EPN1: variants seen among roughly 807,000 people sequenced by gnomAD.
The protein encoded by EPN1 is epsin 1, also known as epsin-1.
In EPN1, 25 loss-of-function variants were observed where a neutral mutation model predicts 56.9. The ratio of observed to expected loss-of-function variants is 0.44; its 90% CI spans 0.32 to 0.61. The LOEUF (loss-of-function observed/expected upper bound fraction) is 0.61, where lower values mean the gene tolerates loss of function less well. Ranked by LOEUF, EPN1 falls within the 20% of genes least tolerant of loss-of-function variation. EPN1 has a pLI of 0.05. For missense variants in EPN1, 785 were observed against 823.7 expected (o/e 0.95, Z 0.58); for synonymous variants, 411 against 361.8 (o/e 1.14, Z -1.54).
Position 55,702,956 on chromosome 19 carries a change from GGCTAA to G in EPN1, c.*7606_*7610del, listed in dbSNP as rs1261134632. On this transcript the variant is annotated 3_prime_UTR_variant, in exon 11 of 11. Coordinates refer to ENST00000270460, the MANE Select transcript of EPN1 (RefSeq NM_001130072.2). ...ACTACAGGCGCCCACCACCACGCCC[GGCTAA>G]GCTAATTTTTTGTATTGTTAGTAGA... is the stretch of plus-strand genomic sequence containing the variant. The G allele has an allele frequency of 5.9e-5, 9 of 151,812 alleles. No homozygotes were observed. Among genetic ancestry groups the G allele is most frequent in the African/African-American group, 1.4e-4 (6 of 41,414 alleles). The allele number at this position is 151,812 out of a possible 1,614,324, so 9.4% of individuals were successfully genotyped here. A position where few individuals can be genotyped will look rare whatever the true frequency, so the allele number is the denominator to read the frequency against.
At chr19:55,682,046 T>G (rs375039454) in intron 2 of EPN1, among the ~76,000 whole-genome samples, 104 of 152,026 alleles carry the variant, frequency 6.8e-4, no homozygotes, top group African/African-American at 2.4e-3. Context: ...GCTCAAGCGA[T>G]CCTCTTGCCT....
rs190963338 is a variant in EPN1 at position 55,704,958 on chromosome 19, C to G, written c.*9602C>G. Reference sequence around the variant, plus strand: ...GCTGAATGCTGTTCTCATCCACTTCCCAAGCATCTCTGGCTGAATGCTGTT... The same window carrying G: ...GCTGAATGCTGTTCTCATCCACTTCGCAAGCATCTCTGGCTGAATGCTGTT... On this transcript the variant is annotated 3_prime_UTR_variant, in exon 11 of 11. Transcript: ENST00000270460. The G allele has an allele frequency of 1.2e-3, 186 of 152,326 alleles. No individual in the cohort carries two copies. The highest frequency in any genetic ancestry group is 4.4e-3 in the African/African-American group (182 of 41,564). The allele number at this position is 152,326 out of a possible 1,614,324, so 9.4% of individuals were successfully genotyped here. A position where few individuals can be genotyped will look rare whatever the true frequency, so the allele number is the denominator to read the frequency against.
rs775879527 is a variant in EPN1 at position 55,692,788 on chromosome 19, G to C, written c.1169G>C (p.Gly390Ala). The C allele has an allele frequency of 1.2e-4, 185 of 1,596,854 alleles. No homozygotes were observed. The highest frequency in any genetic ancestry group is 1.5e-4 in the Non-Finnish European group (180 of 1,171,318). The change falls in exon 8 of 11, where the codon GGC (glycine) becomes GCC (alanine). Residue 390 changes from glycine (G) to alanine (A), a missense_variant. Physicochemically the swap from Gly to Ala is moderately conservative, Grantham distance 60 (BLOSUM62 0). This residue lies in a region of EPN1 where 650 missense variants were observed against 605.0 expected (regional missense o/e 1.07). Coordinates refer to ENST00000270460, the MANE Select transcript of EPN1 (RefSeq NM_001130072.2). The stretch of plus-strand genomic sequence containing the variant: ...TCACCTGCCAAGCCCAGCACCAATG[G>C]CACAACAGGTACTGGAATGGGGGTG... Reference protein sequence around the residue: ...GGSPAKPSTNGTTAAGGFDTE... With the variant: ...GGSPAKPSTNATTAAGGFDTE...
intron 2 of EPN1, among the ~76,000 whole-genome samples, chr19:55,679,122 T>G (rs949933885): frequency 6.6e-6 from 1 of 152,226 alleles, no homozygotes; most frequent in Non-Finnish European, 1.5e-5. Flanking sequence ...GCCCATCTCT[T>G]CTGTGTGCCC....
rs902553504 is a variant in EPN1, at chr19:55,697,400, A to G, written c.*2044A>G. The G allele has an allele frequency of 6.6e-6, 1 of 152,168 alleles. No homozygotes were observed. Among genetic ancestry groups the G allele is most frequent in the Admixed American group, 6.5e-5 (1 of 15,272 alleles). The allele number at this position is 152,168 out of a possible 1,614,324, so 9.4% of individuals were successfully genotyped here. A position where few individuals can be genotyped will look rare whatever the true frequency, so the allele number is the denominator to read the frequency against. ...ACCCTCCATTCACCAAATTAAGGAT[A>G]AGTTTCACGATTTCGCACTGCGGAG... On this transcript the variant is annotated 3_prime_UTR_variant, in exon 11 of 11. Coordinates refer to ENST00000270460, the MANE Select transcript of EPN1 (RefSeq NM_001130072.2).
At position 55,705,808 on chromosome 19, in the gene EPN1, G is replaced by GATATGTATATATATATATATATAT. The variant is rs1987363277; in HGVS notation, c.*10456_*10457insGTATATATATATATATATATATAT. The GATATGTATATATATATATATATAT allele has an allele frequency of 9.7e-6, 1 of 103,138 alleles. No individual in the cohort carries two copies. Among genetic ancestry groups the GATATGTATATATATATATATATAT allele is most frequent in the African/African-American group, 4.6e-5 (1 of 21,920 alleles). 6.4% of individuals were successfully genotyped at this position (103,138 alleles called of 1,614,324 possible). A position where few individuals can be genotyped will look rare whatever the true frequency, so the allele number is the denominator to read the frequency against. On this transcript the variant is annotated 3_prime_UTR_variant, in exon 11 of 11. Coordinates refer to ENST00000270460, the MANE Select transcript of EPN1 (RefSeq NM_001130072.2). Reference sequence around the variant, plus strand: ...GTGGCTGGAATATTTGTTGTTGTGGGATATATATATATATATATATTTAGA... The same window carrying GATATGTATATATATATATATATAT: ...GTGGCTGGAATATTTGTTGTTGTGGGATATGTATATATATATATATATATATATATATATATATATATATTTAGA...
At chr19:55,676,241 G>A (rs1294021900) in intron 1 of EPN1, among the ~76,000 whole-genome samples, 2 of 152,206 alleles carry the variant, frequency 1.3e-5, no homozygotes, top group Non-Finnish European at 2.9e-5. Flanking sequence ...TATTATTACA[G>A]TGCTTAGAGA....
intron 2 of EPN1, among the ~76,000 whole-genome samples, chr19:55,683,693 T>C (rs1985979258): frequency 6.6e-6 from 1 of 152,274 alleles, no homozygotes; most frequent in African/African-American, 2.4e-5. Flanking sequence ...AGTCCCGCTG[T>C]GTGAGCGTGC....
intron 2 of EPN1, among the ~76,000 whole-genome samples, chr19:55,683,209 C>T (rs1208693096): frequency 1.3e-5 from 2 of 151,282 alleles, no homozygotes; most frequent in East Asian, 3.9e-4. Flanking sequence ...GCGCATGCCA[C>T]AATGCCTGGC....
rs373163870 is a variant in EPN1, at chr19:55,690,659, C to G, written c.762+709C>G. 2.2e-4 allele frequency among the ~76,000 whole-genome samples: 34 copies of G among 152,340 alleles called. No individual in the cohort carries two copies. The East Asian group carries it at 6.0e-3, about 27-fold the overall frequency. Reference sequence around the variant, plus strand: ...CAGTAGCTGCTGCTGCTGCCGCCCCCCAGGACAAGCTCGTCGGGCTGGGTT... The same window carrying G: ...CAGTAGCTGCTGCTGCTGCCGCCCCGCAGGACAAGCTCGTCGGGCTGGGTT... On this transcript the variant is annotated intron_variant, in intron 6 of 10. Coordinates refer to ENST00000270460, the MANE Select transcript of EPN1 (RefSeq NM_001130072.2).
Position 55,709,166 on chromosome 19 carries a change from T to A in EPN1, c.*13810T>A. 3.1e-6 allele frequency: 2 copies of A among 636,374 alleles called. No individual in the cohort carries two copies. The highest frequency in any genetic ancestry group is 4.9e-6 in the Non-Finnish European group (2 of 408,100). 39.4% of individuals were successfully genotyped at this position (636,374 alleles called of 1,614,324 possible). ...TCTTTCCTAGAAATCACTGGGAGAA[T>A]TGTACTGAATTTGAAAAACAAGCAT... On this transcript the variant is annotated 3_prime_UTR_variant, in exon 11 of 11. Transcript: ENST00000270460.
rs1449741930 is a variant in EPN1, at chr19:55,699,333, T to G, written c.*3977T>G. The G allele has an allele frequency of 6.6e-6, 1 of 152,234 alleles. No individual in the cohort carries two copies. The highest frequency in any genetic ancestry group is 1.5e-5 in the Non-Finnish European group (1 of 68,052). 9.4% of individuals were successfully genotyped at this position (152,234 alleles called of 1,614,324 possible). On this transcript the variant is annotated 3_prime_UTR_variant, in exon 11 of 11. Transcript: ENST00000270460. ...CCGCAGGCATCTCCCCCACACGTGC[T>G]TCTAGCTTCCCGGGTGTGGCGTGAG...
intron 3 of EPN1, among the ~76,000 whole-genome samples, chr19:55,688,239 C>T (rs74587635): frequency 0.017 from 2,566 of 152,112 alleles, 33 homozygotes; most frequent in Non-Finnish European, 0.026. Flanking sequence ...TGAGGGTAGG[C>T]GGGGTTGCTG....
chr19:55,690,060 G>A (rs776794363), intron 6 of EPN1, 110 bp downstream of exon 6: 43 of 1,071,826 alleles, frequency 4.0e-5, no homozygotes, highest in Non-Finnish European at 2.0e-5. Context: ...ACAAGGTCCT[G>A]GAGCTGGGCA....
chr19:55,681,834 G>T (rs1437039458), intron 2 of EPN1, among the ~76,000 whole-genome samples: 2 of 151,584 alleles, frequency 1.3e-5, no homozygotes, highest in African/African-American at 4.9e-5. Flanking sequence ...TAGAGACAAA[G>T]TGTTGCTCTG....
intron 2 of EPN1, among the ~76,000 whole-genome samples, chr19:55,680,367 C>T (rs1309980490): frequency 6.6e-6 from 1 of 152,132 alleles, no homozygotes; most frequent in South Asian, 2.1e-4. Flanking sequence ...CCTGCTGTAT[C>T]CGCCATCCCT....
chr19:55,688,826 CGTT>C, intron 3 of EPN1, 41 bp from the exon 4 acceptor site: 1 of 1,558,332 alleles, frequency 6.4e-7, no homozygotes, highest in Non-Finnish European at 8.7e-7. Context: ...TCCTGTCTCT[CGTT>C]CCCTGGTCTG....
At position 55,704,981 on chromosome 19, in the gene EPN1, G is replaced by C. The variant is rs1206449836; in HGVS notation, c.*9625G>C. The C allele has an allele frequency of 6.6e-6, 1 of 152,272 alleles. No individual in the cohort carries two copies. Among genetic ancestry groups the C allele is most frequent in the Non-Finnish European group, 1.5e-5 (1 of 68,094 alleles). 9.4% of individuals were successfully genotyped at this position (152,272 alleles called of 1,614,324 possible). On this transcript the variant is annotated 3_prime_UTR_variant, in exon 11 of 11. Transcript: ENST00000270460. ...TCCCAAGCATCTCTGGCTGAATGCTGTTCTACACATGCACGTGGGAGGCAC... is the reference window on the plus strand; with the variant it reads ...TCCCAAGCATCTCTGGCTGAATGCTCTTCTACACATGCACGTGGGAGGCAC...
Position 55,695,329 on chromosome 19 carries a change from C to T in EPN1, c.1704C>T (p.Ala568=), listed in dbSNP as rs1430164195. The T allele has an allele frequency of 2.0e-6, 3 of 1,523,464 alleles. No homozygotes were observed. Among genetic ancestry groups the T allele is most frequent in the African/African-American group, 1.4e-5 (1 of 72,710 alleles). 94.4% of individuals were successfully genotyped at this position (1,523,464 alleles called of 1,614,324 possible). A position where few individuals can be genotyped will look rare whatever the true frequency, so the allele number is the denominator to read the frequency against. ...LPPMMPPGPP[A]PNTNPFLL ...CCATGATGCCCCCGGGCCCCCCGGC[C>T]CCCAACACTAATCCCTTCCTCCTAT... The change falls in exon 11 of 11, where the codon GCC becomes GCT. Residue 568 remains alanine, a synonymous_variant. Transcript: ENST00000270460. The surrounding 1 kb of genome is among the most constrained non-coding windows in gnomAD (Gnocchi z 4.4).
Sources: allele counts gnomAD v4.1 joint callset (sites outside exome capture counted in the v4.1 genomes callset), GRCh38; gene constraint gnomAD v4.1.1; regional missense constraint gnomAD v4.1.1; non-coding constraint Gnocchi (gnomAD v3.1); transcripts MANE v1.5; gene names NCBI Gene and HGNC (gene_info 2026-07-23, HGNC 2026-07-21).